The following TNS1 variants were observed in gnomAD, a reference collection of about 807,000 sequenced individuals.
TNS1 encodes tensin-1.
In TNS1, 62 loss-of-function variants were observed where a neutral mutation model predicts 168.6. That is an observed-to-expected ratio of 0.37 (90% CI 0.30 to 0.45). The LOEUF (loss-of-function observed/expected upper bound fraction) is 0.45. Among genes scored for constraint, TNS1 ranks in the 20% least tolerant of loss-of-function variants. TNS1 has a pLI of 1.00. For missense variants in TNS1, 2,240 were observed against 2,339.4 expected, an observed-to-expected ratio of 0.96 and a Z score of 0.88; for synonymous variants, 934 against 933.2, an observed-to-expected ratio of 1.00 and a Z score of -0.02.
intron 1 of TNS1, among the ~76,000 whole-genome samples, chr2:218,025,718 C>T (rs915633050): frequency 6.6e-6 from 1 of 152,000 alleles, no homozygotes; most frequent in Non-Finnish European, 1.5e-5. Flanking sequence ...TAGAGATCCC[C>T]CAGATTGGAA....
chr2:217,818,500 C>A lies in TNS1; in HGVS notation c.3832G>T (p.Val1278Leu). 1 of 1,614,220 alleles carries A rather than the reference C, an allele frequency of 6.2e-7. No individual in the cohort carries two copies. Residue 1278 changes from valine to leucine, a missense_variant, in exon 24 of 33, where the codon GTG becomes TTG. Physicochemically the swap from Val to Leu is conservative, Grantham distance 32 (BLOSUM62 1). Around this residue, in one of 2 missense-constraint regions of TNS1, gnomAD observed 2,131 missense variants for 2,171.2 expected, o/e 0.98. Transcript: ENST00000682258. ...AQFSVAGVHT[V>L]PGSPQARHRT... ...TGGCGCGCCTGAGGGCTCCCAGGCA[C>A]CGTGTGGACGCCAGCCACACTGAAC... is the stretch of plus-strand genomic sequence containing the variant.
At chr2:217,921,215 T>C (rs1264100800) in intron 3 of TNS1, among the ~76,000 whole-genome samples, 1 of 152,198 alleles carries the variant, frequency 6.6e-6, no homozygotes, top group African/African-American at 2.4e-5. Context: ...TCCTCAACCT[T>C]GGCTCCGATT....
chr2:217,927,023 G>T (rs60934259), intron 3 of TNS1, among the ~76,000 whole-genome samples: 1 of 152,210 alleles, frequency 6.6e-6, no homozygotes, highest in African/African-American at 2.4e-5. Context: ...GCCTGGCATG[G>T]AGGATGCATT....
chr2:217,906,453 T>A (rs1242628631), intron 5 of TNS1, 68 bp from the exon 6 acceptor site: 2 of 700,536 alleles, frequency 2.9e-6, no homozygotes, highest in Non-Finnish European at 5.2e-6. Context: ...CCTTGCTGGG[T>A]TTGTCAGGAG....
chr2:218,022,209 G>A (rs1958811521), intron 1 of TNS1, among the ~76,000 whole-genome samples: 1 of 152,142 alleles, frequency 6.6e-6, no homozygotes, highest in Non-Finnish European at 1.5e-5. Context: ...AGTAGGCAGG[G>A]AGGCAGAGTG....
chr2:217,824,260 GC>G (rs1217691620), intron 22 of TNS1, among the ~76,000 whole-genome samples: 1 of 152,182 alleles, frequency 6.6e-6, no homozygotes, highest in Non-Finnish European at 1.5e-5. Flanking sequence ...GAGAGGTGGA[GC>G]CGTGCGCCAG....
At chr2:218,019,894 G>A (rs866215502) in intron 1 of TNS1, among the ~76,000 whole-genome samples, 3 of 152,064 alleles carry the variant, frequency 2.0e-5, no homozygotes, top group Non-Finnish European at 4.4e-5. Flanking sequence ...CCTAAGACCA[G>A]GAAGAAGAGA....
At chr2:217,816,435 C>T (rs1312185297) in intron 24 of TNS1, among the ~76,000 whole-genome samples, 2 of 152,158 alleles carry the variant, frequency 1.3e-5, no homozygotes, top group Non-Finnish European at 2.9e-5. Context: ...CTCCCTTATG[C>T]TTCTGGGATC....
At position 217,848,394 on chromosome 2, in the gene TNS1, G is replaced by A. The variant is rs778410785; in HGVS notation, c.2123C>T (p.Ser708Phe). 4 of 1,580,184 alleles carry A rather than the reference G, an allele frequency of 2.5e-6. No homozygotes were observed. Among genetic ancestry groups the A allele is most frequent in the Non-Finnish European group, 3.4e-6 (4 of 1,161,772 alleles). ...GTAGCCAGCTAAACCCTCCTGTGCA[G>A]AGTAGGAGGGCCGCATGGGGGCCGT... is the stretch of plus-strand genomic sequence containing the variant. ...GHTAPMRPSY[S>F]AQEGLAGYQR... Residue 708 changes from serine to phenylalanine, a missense_variant, in exon 19 of 33, where the codon TCT becomes TTT. Transcript: ENST00000682258.
rs557589384 is a variant in TNS1 at position 217,818,220 on chromosome 2, G to A, written c.4112C>T (p.Pro1371Leu). The A allele has an allele frequency of 1.7e-5, 27 of 1,613,868 alleles. No homozygotes were observed. Among genetic ancestry groups the A allele is most frequent in the African/African-American group, 6.7e-5 (5 of 75,034 alleles). The part of the protein sequence containing the change: ...SGLHNKVATT[P>L]GSPSLGRHPG... ...GTGCCGGCCCAGGCTGGGACTCCCC[G>A]GGGTGGTGGCCACTTTGTTGTGGAG... The change falls in exon 24 of 33, where the codon CCG (proline) becomes CTG (leucine). Residue 1371 changes from proline (P) to leucine (L), a missense_variant. Coordinates refer to ENST00000682258, the MANE Select transcript of TNS1 (RefSeq NM_001387777.1).
In TNS1 at chr2:217,895,015, G is replaced by A. The variant is rs1247306793; in HGVS notation, c.585C>T (p.Leu195=). The A allele has an allele frequency of 1.9e-6, 3 of 1,612,856 alleles. No individual in the cohort carries two copies. In the Admixed American group the frequency reaches 5.0e-5, roughly 27 times the overall value. Residue 195 remains leucine (L), a synonymous_variant, in exon 9 of 33, where the codon CTC becomes CTT. Coordinates refer to ENST00000682258, the MANE Select transcript of TNS1 (RefSeq NM_001387777.1). ...ACAGCCCCTGGCTCACCTTGGCATG[G>A]AGCTTCGTGATGTCAGGTCTCCGCT... ...LSERRPDITK[L]HAKVLEFGWP...
chr2:217,904,077 T>G (rs190562817), intron 6 of TNS1, among the ~76,000 whole-genome samples: 6 of 152,320 alleles, frequency 3.9e-5, no homozygotes, highest in African/African-American at 1.2e-4. Context: ...AGCCAGAGAT[T>G]GGTGACCAAC....
intron 19 of TNS1, chr2:217,842,219 T>C: frequency 1.5e-6 from 1 of 651,580 alleles, no homozygotes; most frequent in Non-Finnish European, 2.8e-6. Context: ...ATCTGGTATG[T>C]ACACGTCAAC....
At chr2:217,898,968 T>G (rs952938923) in intron 7 of TNS1, among the ~76,000 whole-genome samples, 6 of 152,178 alleles carry the variant, frequency 3.9e-5, no homozygotes, top group Admixed American at 2.0e-4. Context: ...TCCCCCTCTA[T>G]CAAATGCAGG....
chr2:217,812,837 T>C (rs1319710893), intron 27 of TNS1, among the ~76,000 whole-genome samples: 3 of 152,176 alleles, frequency 2.0e-5, no homozygotes, highest in African/African-American at 7.2e-5. Context: ...CGTTTTTTCA[T>C]GTGTCAATTC....
In TNS1 at chr2:218,009,993, G is replaced by A. The variant is rs528328081; in HGVS notation, c.96+107C>T. 61 of 394,662 alleles carry A rather than the reference G, an allele frequency of 1.5e-4. No individual in the cohort carries two copies. In the South Asian group the frequency reaches 3.7e-3, roughly 24 times the overall value. The allele number at this position is 394,662 out of a possible 1,614,324, so 24.4% of individuals were successfully genotyped here. A position where few individuals can be genotyped will look rare whatever the true frequency, so the allele number is the denominator to read the frequency against. The stretch of plus-strand genomic sequence containing the variant: ...GAGACGGAGGGTCCCTGAGAGTGGA[G>A]GGTAGTAAGTCAGATCGAATGCCCA... On this transcript the variant is annotated intron_variant, in intron 1 of 32. Coordinates refer to the TNS1 transcript ENST00000646520.
intron 6 of TNS1, chr2:217,903,483 C>G (rs1463178672): frequency 7.5e-7 from 1 of 1,341,544 alleles, no homozygotes; most frequent in African/African-American, 1.5e-5. Context: ...CTCCGGGGAT[C>G]ACAAATCACC....
intron 3 of TNS1, among the ~76,000 whole-genome samples, chr2:217,973,987 G>A (rs923956060): frequency 3.3e-5 from 5 of 152,210 alleles, no homozygotes; most frequent in East Asian, 1.9e-4. Context: ...GCAAGAACAC[G>A]ATGAGCCTCC....
At chr2:217,934,745 G>A (rs755084714) in intron 3 of TNS1, among the ~76,000 whole-genome samples, 6 of 152,138 alleles carry the variant, frequency 3.9e-5, no homozygotes, top group Non-Finnish European at 8.8e-5. Context: ...GGCAAAGAAC[G>A]TTCCAATTCC....
Sources: gnomAD v4.1 joint callset for allele counts (sites outside exome capture counted in the v4.1 genomes callset) on GRCh38, gnomAD v4.1.1 for gene constraint, gnomAD v4.1.1 regional missense constraint, MANE v1.5 for transcripts, NCBI Gene and HGNC (gene_info 2026-07-23, HGNC 2026-07-21) for gene names.